Variants in MYO1E observed in about 807,000 individuals in gnomAD.
The protein encoded by MYO1E is unconventional myosin-Ie.
A neutral mutation model predicts 151.1 loss-of-function variants in MYO1E; 68 were observed. That is an observed-to-expected ratio of 0.45 (90% confidence interval 0.37 to 0.55). The LOEUF (loss-of-function observed/expected upper bound fraction) is 0.55. MYO1E is among the 20% of genes least tolerant of loss of function. The pLI, the probability that MYO1E is intolerant of heterozygous loss-of-function variation, is 0.00. For missense variants in MYO1E, 1,363 were observed against 1,389.3 expected (o/e 0.98, Z 0.30); for synonymous variants, 601 against 501.7 (o/e 1.20, Z -2.64).
intron 1 of MYO1E, among the ~76,000 whole-genome samples, chr15:59,335,972 AC>A (rs1443426479): frequency 6.6e-6 from 1 of 151,864 alleles, no homozygotes; most frequent in Non-Finnish European, 1.5e-5. Context: ...ACACAAAAAA[AC>A]AAGTCCTGCA....
chr15:59,208,670 A>G lies in MYO1E; in HGVS notation c.1530+11T>C. 6.2e-7 allele frequency: 1 copy of G among 1,614,172 alleles called. No individual in the cohort carries two copies. The highest frequency in any genetic ancestry group is 2.2e-5 in the East Asian group (1 of 44,894). ...AAAACAGATAGACATTAAAATGGATATTGGCCATACCTTCCCAGCATAATG... is the reference window on the plus strand; with the variant it reads ...AAAACAGATAGACATTAAAATGGATGTTGGCCATACCTTCCCAGCATAATG... On this transcript the variant is annotated intron_variant, in intron 14 of 27. Coordinates refer to ENST00000288235, the MANE Select transcript of MYO1E (RefSeq NM_004998.4).
intron 1 of MYO1E, among the ~76,000 whole-genome samples, chr15:59,283,174 A>G (rs1168675035): frequency 6.6e-6 from 1 of 151,236 alleles, no homozygotes; most frequent in Non-Finnish European, 1.5e-5. Context: ...TGAAGTGCAA[A>G]TCTTAGCGAG....
intron 1 of MYO1E, 79 bp from the exon 2 acceptor site, chr15:59,272,528 C>T: frequency 2.1e-6 from 3 of 1,434,478 alleles, no homozygotes; most frequent in Non-Finnish European, 2.9e-6. Context: ...GTTAATTTCC[C>T]AAATATTCTT....
intron 13 of MYO1E, among the ~76,000 whole-genome samples, chr15:59,210,102 A>G (rs1195633227): frequency 6.6e-6 from 1 of 152,038 alleles, no homozygotes; most frequent in Non-Finnish European, 1.5e-5. Context: ...CCCTGTGCTC[A>G]AGCGATCCAC....
intron 15 of MYO1E, among the ~76,000 whole-genome samples, chr15:59,202,895 G>A (rs993695960): frequency 3.9e-5 from 6 of 152,010 alleles, no homozygotes; most frequent in South Asian, 2.1e-4. Context: ...ATAGGCAGAC[G>A]CCACCACGTC....
intron 25 of MYO1E, among the ~76,000 whole-genome samples, chr15:59,156,900 G>A (rs2079512422): frequency 6.6e-6 from 1 of 152,182 alleles, no homozygotes; most frequent in Admixed American, 6.5e-5. Flanking sequence ...GGTTTAGAGT[G>A]TCTGGATATG....
At chr15:59,205,257 G>C (rs2079825825) in intron 15 of MYO1E, 143 bp downstream of exon 15, 3 of 851,840 alleles carry the variant, frequency 3.5e-6, no homozygotes, top group South Asian at 1.4e-5. Flanking sequence ...CAAACTCCTA[G>C]GATCAAGTGA....
chr15:59,191,965 C>T (rs2079736993), intron 17 of MYO1E, among the ~76,000 whole-genome samples: 2 of 152,140 alleles, frequency 1.3e-5, no homozygotes, highest in Non-Finnish European at 2.9e-5. Flanking sequence ...AGAAGCCAAA[C>T]AAAAACGCAT....
At chr15:59,239,678 T>C (rs1042923731) in intron 4 of MYO1E, among the ~76,000 whole-genome samples, 2 of 152,152 alleles carry the variant, frequency 1.3e-5, no homozygotes, top group African/African-American at 2.4e-5. Context: ...GTTCCAAAAA[T>C]AGGATATCTG....
chr15:59,133,565 C>T lies in MYO1E; in HGVS notation c.*3815G>A, dbSNP rs1350288732. ...AGTGGGTAGGAATAAAACCAAGTTACTAAATCCAGAAAGAACTGCAATCAA... is the reference window on the plus strand; with the variant it reads ...AGTGGGTAGGAATAAAACCAAGTTATTAAATCCAGAAAGAACTGCAATCAA... On this transcript the variant is annotated 3_prime_UTR_variant, in exon 28 of 28. Transcript: ENST00000288235. The T allele has an allele frequency of 6.6e-6, 1 of 152,118 alleles. No individual in the cohort carries two copies. Among genetic ancestry groups the T allele is most frequent in the Non-Finnish European group, 1.5e-5 (1 of 68,062 alleles). The allele number at this position is 152,118 out of a possible 1,614,324, so 9.4% of individuals were successfully genotyped here. A position where few individuals can be genotyped will look rare whatever the true frequency, so the allele number is the denominator to read the frequency against.
intron 26 of MYO1E, among the ~76,000 whole-genome samples, chr15:59,148,276 AACC>A (rs2079454132): frequency 1.3e-5 from 2 of 152,192 alleles, no homozygotes; most frequent in Non-Finnish European, 2.9e-5. Flanking sequence ...AGAATGAATG[AACC>A]AGGACTCACC....
intron 1 of MYO1E, among the ~76,000 whole-genome samples, chr15:59,372,153 C>T (rs2080949765): frequency 6.6e-6 from 1 of 151,574 alleles, no homozygotes; most frequent in Non-Finnish European, 1.5e-5. Flanking sequence ...GCTGCGCCCC[C>T]CACGTCCCAG....
At chr15:59,320,270 C>T (rs188695583) in intron 1 of MYO1E, among the ~76,000 whole-genome samples, 2 of 152,216 alleles carry the variant, frequency 1.3e-5, no homozygotes, top group African/African-American at 4.8e-5. Context: ...AGATTCTATG[C>T]TATTTCTATC....
At chr15:59,233,061 C>T (rs1477443531) in intron 5 of MYO1E, among the ~76,000 whole-genome samples, 2 of 151,826 alleles carry the variant, frequency 1.3e-5, no homozygotes, top group Non-Finnish European at 2.9e-5. Context: ...ATAAACTCTG[C>T]TTTTCTTTGT....
intron 4 of MYO1E, among the ~76,000 whole-genome samples, chr15:59,250,983 T>C (rs1004568023): frequency 6.6e-6 from 1 of 152,128 alleles, no homozygotes; most frequent in African/African-American, 2.4e-5. Context: ...CAAGCTCATG[T>C]AAGAAGACCA....
intron 1 of MYO1E, among the ~76,000 whole-genome samples, chr15:59,280,296 A>C (rs1230141464): frequency 6.6e-6 from 1 of 152,202 alleles, no homozygotes; most frequent in Non-Finnish European, 1.5e-5. Flanking sequence ...TCTAAGATGC[A>C]TTCTTTTTCA....
At chr15:59,353,630 G>A (rs1433355663) in intron 1 of MYO1E, among the ~76,000 whole-genome samples, 6 of 151,506 alleles carry the variant, frequency 4.0e-5, no homozygotes, top group African/African-American at 7.3e-5. Context: ...GGTGGCGCAC[G>A]CCTGTAATCC....
At chr15:59,193,571 G>A (rs1414623210) in intron 17 of MYO1E, among the ~76,000 whole-genome samples, 2 of 152,156 alleles carry the variant, frequency 1.3e-5, no homozygotes, top group African/African-American at 2.4e-5. Flanking sequence ...AACTGTTGAC[G>A]GAACTGAGAG....
chr15:59,315,863 TAA>T (rs2063118229), intron 1 of MYO1E, among the ~76,000 whole-genome samples: 1 of 152,230 alleles, frequency 6.6e-6, no homozygotes, highest in Non-Finnish European at 1.5e-5. Flanking sequence ...AGGCTTAGCA[TAA>T]AAACTTGCAA....
Sources: allele counts gnomAD v4.1 joint callset (sites outside exome capture counted in the v4.1 genomes callset), GRCh38; gene constraint gnomAD v4.1.1; transcripts MANE v1.5; gene names NCBI Gene and HGNC (gene_info 2026-07-23, HGNC 2026-07-21).